The following MRTFA variants were observed in gnomAD, a reference collection of about 807,000 sequenced individuals.
MRTFA encodes myocardin-related transcription factor A.
Under a neutral mutation model 83.5 loss-of-function variants are expected in MRTFA, and 20 were observed. That is an observed-to-expected ratio of 0.24 (90% CI 0.17 to 0.35). The LOEUF (loss-of-function observed/expected upper bound fraction) is 0.35. Ranked by LOEUF, MRTFA falls within the 10% of genes least tolerant of loss-of-function variation. The probability of loss-of-function intolerance (pLI) is 1.00; values close to 1 mark genes in which losing one functional copy is unlikely to be tolerated. For missense variants in MRTFA, 1,200 were observed against 1,224.7 expected (o/e 0.98, Z 0.30); for synonymous variants, 659 against 541.2 (o/e 1.22, Z -3.02).
intron 3 of MRTFA, among the ~76,000 whole-genome samples, chr22:40,475,872 C>T (rs1023464237): frequency 9.2e-5 from 14 of 152,192 alleles, no homozygotes; most frequent in Admixed American, 2.0e-4. Context: ...CGGCCAGGCA[C>T]GGTGGCTCAC....
At chr22:40,434,447 T>A (rs2053128781) in intron 5 of MRTFA, among the ~76,000 whole-genome samples, 1 of 148,462 alleles carries the variant, frequency 6.7e-6, no homozygotes, top group Non-Finnish European at 1.5e-5. Flanking sequence ...TGAGGCTGGG[T>A]GTGGTGGCTC....
At chr22:40,462,063 A>C (rs1218954319) in intron 4 of MRTFA, among the ~76,000 whole-genome samples, 1 of 152,196 alleles carries the variant, frequency 6.6e-6, no homozygotes, top group Non-Finnish European at 1.5e-5. Context: ...ATCTCAGCTC[A>C]AATCTTTCCT....
intron 4 of MRTFA, among the ~76,000 whole-genome samples, chr22:40,438,536 C>T (rs2053214014): frequency 6.6e-6 from 1 of 152,124 alleles, no homozygotes; most frequent in African/African-American, 2.4e-5. Context: ...GGGTGGTGCA[C>T]CACTAGTGGA....
intron 1 of MRTFA, among the ~76,000 whole-genome samples, chr22:40,601,090 CATA>C (rs1326790788): frequency 2.6e-5 from 4 of 152,194 alleles, no homozygotes; most frequent in Admixed American, 2.0e-4. Context: ...GCCAGCATCC[CATA>C]ATAAGCATCT....
At chr22:40,515,862 T>C in intron 3 of MRTFA, among the ~76,000 whole-genome samples, 1 of 152,192 alleles carries the variant, frequency 6.6e-6, no homozygotes, top group East Asian at 1.9e-4. Context: ...ACATTTTCAG[T>C]AGATTCTCAA....
intron 2 of MRTFA, 116 bp from the exon 3 acceptor site, chr22:40,552,483 G>A (rs1321729231): frequency 1.0e-5 from 4 of 386,800 alleles, no homozygotes; most frequent in African/African-American, 8.3e-5. Flanking sequence ...ACATATCATG[G>A]GAGGGACTTG....
chr22:40,418,575 C>T lies in MRTFA; in HGVS notation c.2163G>A (p.Val721=). The T allele has an allele frequency of 6.4e-7, 1 of 1,556,162 alleles. No individual in the cohort carries two copies. Residue 721 remains valine, a synonymous_variant, in exon 12 of 15, where the codon GTG becomes GTA. Coordinates refer to ENST00000355630, the MANE Select transcript of MRTFA (RefSeq NM_020831.6). ...GCTGCAAGGCTTCCTGCTTCACCAC[C>T]ACGGACGGGGGCCCCGGGGCCACAG...
chr22:40,490,245 A>G (rs1047525411), intron 3 of MRTFA, among the ~76,000 whole-genome samples: 1 of 152,064 alleles, frequency 6.6e-6, no homozygotes, highest in East Asian at 1.9e-4. Context: ...TGTTTCTTTG[A>G]CGTTAGTCCA....
At chr22:40,605,163 A>G (rs2056304989) in intron 1 of MRTFA, among the ~76,000 whole-genome samples, 2 of 152,200 alleles carry the variant, frequency 1.3e-5, no homozygotes, top group African/African-American at 4.8e-5. Context: ...CATTCAACAA[A>G]TATTAGATAC....
chr22:40,617,156 A>AGGAAGGAGGGAAGGAG lies in MRTFA; in HGVS notation c.-84+19306_-84+19321dup, dbSNP rs1162686963. Reference sequence around the variant, plus strand: ...GAGAGACGAGAGAAGGAAGGAAGGAAGGAAGGAGGGAAGGAGGGAAGGAGG... The same window carrying AGGAAGGAGGGAAGGAG: ...GAGAGACGAGAGAAGGAAGGAAGGAAGGAAGGAGGGAAGGAGGGAAGGAGGGAAGGAGGGAAGGAGG... On this transcript the variant is annotated intron_variant, in intron 1 of 14. Transcript: ENST00000355630. 5.9e-5 allele frequency among the ~76,000 whole-genome samples: 6 copies of AGGAAGGAGGGAAGGAG among 101,716 alleles called. 1 individual carries two copies. Among genetic ancestry groups the AGGAAGGAGGGAAGGAG allele is most frequent in the African/African-American group, 1.2e-4 (3 of 24,266 alleles). The allele number at this position is 101,716 out of a possible 152,430, so 66.7% of individuals were successfully genotyped here.
chr22:40,510,980 A>G (rs1379850804), intron 3 of MRTFA, among the ~76,000 whole-genome samples: 2 of 152,248 alleles, frequency 1.3e-5, no homozygotes, highest in African/African-American at 2.4e-5. Context: ...AGATAACCAC[A>G]TAGTCAGAGA....
chr22:40,532,588 A>T (rs191910909), intron 3 of MRTFA, among the ~76,000 whole-genome samples: 1 of 152,366 alleles, frequency 6.6e-6, no homozygotes, highest in African/African-American at 2.4e-5. Flanking sequence ...ACAAAATGGT[A>T]GTGGTATCTG....
intron 4 of MRTFA, among the ~76,000 whole-genome samples, chr22:40,452,589 C>T (rs2053513960): frequency 6.6e-6 from 1 of 151,872 alleles, no homozygotes; most frequent in African/African-American, 2.4e-5. Context: ...TTGGGGAGGT[C>T]GAGGTGGACG....
At position 40,526,017 on chromosome 22, in the gene MRTFA, CT is replaced by C. The variant is rs879551118; in HGVS notation, c.241+26088del. Among the ~76,000 whole-genome samples, 769 of 143,328 alleles carry C rather than the reference CT, an allele frequency of 5.4e-3. 2 individuals carry two copies. Among genetic ancestry groups the C allele is most frequent in the Middle Eastern group, 0.022 (6 of 276 alleles). The allele number at this position is 143,328 out of a possible 152,430, so 94.0% of individuals were successfully genotyped here. On this transcript the variant is annotated intron_variant, in intron 3 of 14. Coordinates refer to ENST00000355630, the MANE Select transcript of MRTFA (RefSeq NM_020831.6). ...GGAGTGCGCCTAACTAAAAAAGTAA[CT>C]TTTTTTTTTTTTTAAGAGACATGGT... is the stretch of plus-strand genomic sequence containing the variant.
intron 5 of MRTFA, among the ~76,000 whole-genome samples, chr22:40,431,917 T>C (rs2053076457): frequency 6.6e-6 from 1 of 152,216 alleles, no homozygotes; most frequent in Non-Finnish European, 1.5e-5. Flanking sequence ...AGCGCTGTAA[T>C]CACACTGAAT....
At chr22:40,456,817 CTTTT>C (rs1351229500) in intron 4 of MRTFA, among the ~76,000 whole-genome samples, 4 of 152,132 alleles carry the variant, frequency 2.6e-5, no homozygotes, top group African/African-American at 4.8e-5. Flanking sequence ...CCTTTGATTT[CTTTT>C]GTCATCTCTG....
At chr22:40,413,199 G>A (rs2052599308) in intron 14 of MRTFA, among the ~76,000 whole-genome samples, 1 of 148,460 alleles carries the variant, frequency 6.7e-6, no homozygotes, top group Non-Finnish European at 1.5e-5. Flanking sequence ...GCTCACACCT[G>A]TCATGCCAGC....
chr22:40,414,235 C>G (rs555881520), intron 14 of MRTFA, among the ~76,000 whole-genome samples: 8 of 152,060 alleles, frequency 5.3e-5, no homozygotes, highest in Non-Finnish European at 1.2e-4. Flanking sequence ...CCCGGCTACT[C>G]GAGAAGCTGA....
intron 4 of MRTFA, among the ~76,000 whole-genome samples, chr22:40,452,805 C>CAAA (rs34486531): frequency 2.2e-4 from 14 of 62,626 alleles, no homozygotes; most frequent in Admixed American, 5.7e-4. Flanking sequence ...CACTCCGTCT[C>CAAA]AAAAAAAAAA....
Sources: gnomAD v4.1 joint callset for allele counts (sites outside exome capture counted in the v4.1 genomes callset) on GRCh38, gnomAD v4.1.1 for gene constraint, MANE v1.5 for transcripts, NCBI Gene and HGNC (gene_info 2026-07-23, HGNC 2026-07-21) for gene names.